The following IFT74 variants were observed in gnomAD, a reference collection of about 807,000 sequenced individuals.
IFT74 encodes the protein intraflagellar transport protein 74 homolog.
IFT74 carries 92 observed loss-of-function variants against 96.7 expected under a neutral mutation model. That is an observed-to-expected ratio of 0.95 (90% confidence interval 0.80 to 1.13). The LOEUF (loss-of-function observed/expected upper bound fraction) is 1.13, where lower values mean the gene tolerates loss of function less well. Ranked by LOEUF, IFT74 falls within the 50% of genes most tolerant of loss-of-function variation. IFT74 has a pLI of 0.00. For missense variants in IFT74, 811 were observed against 698.2 expected (o/e 1.16, Z -1.82); for synonymous variants, 223 against 213.2 (o/e 1.05, Z -0.40).
chr9:26,972,581 A>C, intron 2 of IFT74, among the ~76,000 whole-genome samples: 1 of 152,198 alleles, frequency 6.6e-6, no homozygotes, highest in East Asian at 1.9e-4. Flanking sequence ...AATCTGATGA[A>C]TTTTATCGAA....
At chr9:27,050,680 A>G (rs1819881080) in intron 16 of IFT74, among the ~76,000 whole-genome samples, 1 of 144,692 alleles carries the variant, frequency 6.9e-6, no homozygotes. Context: ...GTGGGAATTG[A>G]ACAATGAGAA....
At chr9:27,017,304 C>A (rs1295231456) in intron 11 of IFT74, among the ~76,000 whole-genome samples, 2 of 152,136 alleles carry the variant, frequency 1.3e-5, no homozygotes, top group African/African-American at 4.8e-5. Context: ...CTCACTGTAG[C>A]CCTGAGCTGC....
Position 27,029,070 on chromosome 9 carries a change from T to C in IFT74, c.1020T>C (p.Ile340=). 1 of 1,602,652 alleles carries C rather than the reference T, an allele frequency of 6.2e-7. No individual in the cohort carries two copies. Among genetic ancestry groups the C allele is most frequent in the Non-Finnish European group, 8.5e-7 (1 of 1,174,470 alleles). ...AGATAAATCAGTTTATTGAAGAAAT[T>C]AGACAACTTGACATGGATTTAGAGG... ...KEKINQFIEE[I]RQLDMDLEEH... is the part of the protein sequence containing the mutation. The change falls in exon 13 of 20, where the codon ATT becomes ATC. Residue 340 remains isoleucine (I), a synonymous_variant. Coordinates refer to ENST00000380062, the MANE Select transcript of IFT74 (RefSeq NM_025103.4).
At chr9:26,961,468 C>G (rs1826357796) in intron 1 of IFT74, among the ~76,000 whole-genome samples, 1 of 152,076 alleles carries the variant, frequency 6.6e-6, no homozygotes, top group African/African-American at 2.4e-5. Flanking sequence ...ACCTCCTTTT[C>G]TTTAAAATTG....
At chr9:26,982,404 G>T in intron 4 of IFT74, 1 of 430,794 alleles carries the variant, frequency 2.3e-6, no homozygotes, top group Non-Finnish European at 4.6e-6. Context: ...TAATCTGCAA[G>T]TAGCTGGGAT....
intron 8 of IFT74, chr9:26,996,574 A>G (rs1327515057): frequency 5.7e-6 from 6 of 1,059,014 alleles, no homozygotes; most frequent in Non-Finnish European, 7.4e-6. Flanking sequence ...TGTTTTATCT[A>G]GAATTTTTGA....
chr9:26,993,987 T>C (rs534232228), intron 8 of IFT74: 1 of 152,348 alleles, frequency 6.6e-6, no homozygotes, highest in African/African-American at 2.4e-5. Flanking sequence ...TTTGCATTGA[T>C]AAATTATTAA....
intron 13 of IFT74, among the ~76,000 whole-genome samples, chr9:27,035,768 A>G (rs1044178933): frequency 2.6e-5 from 4 of 152,236 alleles, no homozygotes; most frequent in Non-Finnish European, 4.4e-5. Context: ...TATACAATTT[A>G]TACAATATGT....
chr9:26,984,578 G>T lies in IFT74; in HGVS notation c.465+19G>T. ...CAACATGGTATTTTATCTTTTCTAA[G>T]AGAATTTACTGTTAATATTTTCATT... On this transcript the variant is annotated intron_variant, in intron 6 of 19. Transcript: ENST00000380062. 1 of 1,576,284 alleles carries T rather than the reference G, an allele frequency of 6.3e-7. No individual in the cohort carries two copies. Among genetic ancestry groups the T allele is most frequent in the South Asian group, 1.1e-5 (1 of 88,746 alleles).
chr9:27,051,542 A>G (rs1404752707), intron 16 of IFT74, among the ~76,000 whole-genome samples: 1 of 152,202 alleles, frequency 6.6e-6, no homozygotes, highest in African/African-American at 2.4e-5. Context: ...TTCATCTTGC[A>G]GAACAAAAAC....
At chr9:27,037,346 G>A (rs1819252990) in intron 13 of IFT74, among the ~76,000 whole-genome samples, 1 of 152,058 alleles carries the variant, frequency 6.6e-6, no homozygotes, top group Non-Finnish European at 1.5e-5. Context: ...TAGCCTTTGT[G>A]AGCATTCCTA....
intron 8 of IFT74, among the ~76,000 whole-genome samples, chr9:27,002,803 AT>A (rs907851549): frequency 4.6e-5 from 7 of 151,152 alleles, no homozygotes; most frequent in Middle Eastern, 3.4e-3. Flanking sequence ...GAATTTTAGG[AT>A]TTTTTTTTCT....
At chr9:27,040,567 A>G (rs1311464319) in intron 13 of IFT74, among the ~76,000 whole-genome samples, 1 of 150,224 alleles carries the variant, frequency 6.7e-6, no homozygotes, top group Admixed American at 6.6e-5. Context: ...AAAAAAAAAA[A>G]GAAGGAAAGG....
intron 9 of IFT74, among the ~76,000 whole-genome samples, chr9:27,009,931 C>T (rs895394667): frequency 1.3e-5 from 2 of 151,656 alleles, no homozygotes; most frequent in African/African-American, 4.8e-5. Flanking sequence ...TTAGGATATT[C>T]ATCACCTCAA....
chr9:27,044,865 G>T lies in IFT74; in HGVS notation c.1108+70G>T. On this transcript the variant is annotated intron_variant, in intron 14 of 19. Coordinates refer to ENST00000380062, the MANE Select transcript of IFT74 (RefSeq NM_025103.4). ...TGCTGTTCATTTATACCAAATCAGA[G>T]ACCTCATTTTGGGCAGATATAATGG... The T allele has an allele frequency of 4.4e-6, 4 of 909,210 alleles. No homozygotes were observed. The South Asian group carries it at 7.6e-5, about 17-fold the overall frequency. 56.3% of individuals were successfully genotyped at this position (909,210 alleles called of 1,614,324 possible). A position where few individuals can be genotyped will look rare whatever the true frequency, so the allele number is the denominator to read the frequency against.
At chr9:26,951,058 G>A (rs1288601324) in intron 1 of IFT74, among the ~76,000 whole-genome samples, 1 of 152,248 alleles carries the variant, frequency 6.6e-6, no homozygotes, top group East Asian at 1.9e-4. Flanking sequence ...CTGAAGGCAT[G>A]AAGGAAAAAT....
Position 26,984,565 on chromosome 9 carries a change from T to G in IFT74, c.465+6T>G. ...AACTAGCAGACTACAACATGGTATT[T>G]TATCTTTTCTAAGAGAATTTACTGT... On this transcript the variant is annotated splice_donor_region_variant and intron_variant, in intron 6 of 19. Coordinates refer to ENST00000380062, the MANE Select transcript of IFT74 (RefSeq NM_025103.4). 1 of 1,599,578 alleles carries G rather than the reference T, an allele frequency of 6.3e-7. No homozygotes were observed. The highest frequency in any genetic ancestry group is 8.6e-7 in the Non-Finnish European group (1 of 1,169,288).
intron 16 of IFT74, among the ~76,000 whole-genome samples, chr9:27,048,862 A>T (rs1819804503): frequency 6.6e-6 from 1 of 152,082 alleles, no homozygotes; most frequent in Non-Finnish European, 1.5e-5. Context: ...GAGTTGTGGG[A>T]GGTACATACA....
intron 19 of IFT74, among the ~76,000 whole-genome samples, chr9:27,062,332 A>G (rs575411498): frequency 3.9e-5 from 6 of 152,216 alleles, no homozygotes; most frequent in Non-Finnish European, 8.8e-5. Flanking sequence ...GAACTAGTTC[A>G]TTGAACGTTA....
Sources: allele counts gnomAD v4.1 joint callset (sites outside exome capture counted in the v4.1 genomes callset), GRCh38; gene constraint gnomAD v4.1.1; transcripts MANE v1.5; gene names NCBI Gene and HGNC (gene_info 2026-07-23, HGNC 2026-07-21).